ATP8B4: variants seen among roughly 807,000 people sequenced by gnomAD.
The protein encoded by ATP8B4 is probable phospholipid-transporting ATPase IM.
Under a neutral mutation model 145.6 loss-of-function variants are expected in ATP8B4, and 133 were observed. The observed-to-expected ratio is 0.91, with a 90% confidence interval of 0.79 to 1.05. The LOEUF (loss-of-function observed/expected upper bound fraction) is 1.05. Among genes scored for constraint, ATP8B4 ranks in the 50% least tolerant of loss-of-function variants. The pLI, the probability that ATP8B4 is intolerant of heterozygous loss-of-function variation, is 0.00. For missense variants in ATP8B4, 1,458 were observed against 1,425.2 expected, an observed-to-expected ratio of 1.02 and a Z score of -0.37; for synonymous variants, 507 against 492.9, an observed-to-expected ratio of 1.03 and a Z score of -0.38.
chr15:49,981,925 A>T (rs1277822386), intron 10 of ATP8B4, among the ~76,000 whole-genome samples: 2 of 152,206 alleles, frequency 1.3e-5, no homozygotes, highest in South Asian at 4.1e-4. Context: ...GCCTTGTTCC[A>T]GGAATTCTAA....
intron 12 of ATP8B4, among the ~76,000 whole-genome samples, chr15:49,974,952 T>C (rs2045539471): frequency 6.6e-6 from 1 of 152,232 alleles, no homozygotes; most frequent in Non-Finnish European, 1.5e-5. Context: ...TTTTCATTAT[T>C]GTAGCTTTAT....
At chr15:50,013,598 C>T (rs1345399520) in intron 6 of ATP8B4, among the ~76,000 whole-genome samples, 2 of 152,002 alleles carry the variant, frequency 1.3e-5, no homozygotes, top group African/African-American at 4.8e-5. Flanking sequence ...ATAGCCTTTA[C>T]CTTAGCAAAC....
At chr15:50,172,357 T>C (rs112890768) in intron 1 of ATP8B4, among the ~76,000 whole-genome samples, 3 of 152,274 alleles carry the variant, frequency 2.0e-5, no homozygotes, top group African/African-American at 7.2e-5. Context: ...TTGGCCGGGC[T>C]GGTCTCCAGC....
intron 6 of ATP8B4, among the ~76,000 whole-genome samples, chr15:50,022,073 A>C (rs1013583521): frequency 5.9e-5 from 9 of 152,192 alleles, no homozygotes; most frequent in African/African-American, 1.2e-4. Context: ...AGAAATAAAT[A>C]AAAACTTTTT....
intron 20 of ATP8B4, among the ~76,000 whole-genome samples, chr15:49,907,518 T>G (rs1337596198): frequency 6.6e-6 from 1 of 152,156 alleles, no homozygotes; most frequent in African/African-American, 2.4e-5. Context: ...GTGGAAAGAT[T>G]GGGATCAGTG....
chr15:49,904,295 AGTTCCATTCC>A (rs904331762), intron 20 of ATP8B4, among the ~76,000 whole-genome samples: 4 of 152,166 alleles, frequency 2.6e-5, no homozygotes, highest in Non-Finnish European at 5.9e-5. Context: ...TTGAATTCCC[AGTTCCATTCC>A]TTACTACCCT....
intron 2 of ATP8B4, among the ~76,000 whole-genome samples, chr15:50,094,026 A>T (rs2055790213): frequency 6.6e-6 from 1 of 152,194 alleles, no homozygotes; most frequent in African/African-American, 2.4e-5. Context: ...ACACAAATTC[A>T]AAAATATCTT....
chr15:49,982,400 T>C (rs774442936), intron 10 of ATP8B4: 3 of 152,040 alleles, frequency 2.0e-5, no homozygotes, highest in Non-Finnish European at 4.4e-5. Flanking sequence ...ACATTGAGGG[T>C]GGGAAATATT....
At chr15:50,139,287 G>A (rs1301631152) in intron 1 of ATP8B4, among the ~76,000 whole-genome samples, 1 of 152,134 alleles carries the variant, frequency 6.6e-6, no homozygotes, top group African/African-American at 2.4e-5. Context: ...TCCTTTGCAG[G>A]GACATGGATG....
intron 14 of ATP8B4, among the ~76,000 whole-genome samples, chr15:49,958,287 A>G (rs2043761706): frequency 6.6e-6 from 1 of 151,600 alleles, no homozygotes; most frequent in African/African-American, 2.4e-5. Context: ...TCAGGGGGAA[A>G]TTGTTAACCT....
intron 2 of ATP8B4, among the ~76,000 whole-genome samples, chr15:50,091,655 C>A (rs1039373438): frequency 6.6e-6 from 1 of 152,106 alleles, no homozygotes; most frequent in Non-Finnish European, 1.5e-5. Flanking sequence ...CTCATTCCAG[C>A]AGAGAAGACT....
chr15:50,023,779 C>CAAAAAAAAAAAAAAAAAAAACAAAAAG (rs60030651), intron 6 of ATP8B4, among the ~76,000 whole-genome samples: 1 of 75,056 alleles, frequency 1.3e-5, no homozygotes, highest in Non-Finnish European at 2.5e-5. Flanking sequence ...AGACCAAAGG[C>CAAAAAAAAAAAAAAAAAAAACAAAAAG]AAAAAAAAAA....
At chr15:49,864,551 T>C (rs944529562) in intron 26 of ATP8B4, among the ~76,000 whole-genome samples, 1 of 152,198 alleles carries the variant, frequency 6.6e-6, no homozygotes, top group Non-Finnish European at 1.5e-5. Context: ...CCCTCTTTTA[T>C]AAAGCTCAGT....
intron 1 of ATP8B4, among the ~76,000 whole-genome samples, chr15:50,172,125 A>G: frequency 6.6e-6 from 1 of 152,200 alleles, no homozygotes; most frequent in Non-Finnish European, 1.5e-5. Context: ...CAGACATTCA[A>G]AAAAGAATTG....
At chr15:50,173,822 A>G (rs961188678) in intron 1 of ATP8B4, among the ~76,000 whole-genome samples, 1 of 152,200 alleles carries the variant, frequency 6.6e-6, no homozygotes, top group Admixed American at 6.5e-5. Flanking sequence ...TACCAAAACC[A>G]GGAAAGGACA....
chr15:49,996,833 G>T, intron 8 of ATP8B4, 74 bp from the exon 9 acceptor site: 4 of 1,203,126 alleles, frequency 3.3e-6, no homozygotes, highest in Non-Finnish European at 4.8e-6. Flanking sequence ...CAATCAGGTG[G>T]GTGTAGCACA....
Position 49,966,666 on chromosome 15 carries a change from G to A in ATP8B4, c.1244-4646C>T, listed in dbSNP as rs550198151. On this transcript the variant is annotated intron_variant, in intron 13 of 27. Transcript: ENST00000284509. ...CCATCTCCCTGGGACAGCGCACCTG[G>A]GGGAAGGGGTGGCTGTGCGCGCAGC... 1.1e-4 allele frequency among the ~76,000 whole-genome samples: 16 copies of A among 152,330 alleles called. No homozygotes were observed. In the South Asian group the frequency reaches 3.1e-3, roughly 30 times the overall value.
intron 13 of ATP8B4, among the ~76,000 whole-genome samples, chr15:49,969,030 T>C (rs2044824746): frequency 6.6e-6 from 1 of 152,054 alleles, no homozygotes. Flanking sequence ...GACTACTAGG[T>C]AAATAACGAA....
At chr15:50,088,870 A>G (rs555534296) in intron 2 of ATP8B4, among the ~76,000 whole-genome samples, 1 of 152,344 alleles carries the variant, frequency 6.6e-6, no homozygotes, top group Admixed American at 6.5e-5. Flanking sequence ...GAATGGATAG[A>G]TAAATCAATA....
Sources: allele counts gnomAD v4.1 joint callset (sites outside exome capture counted in the v4.1 genomes callset), GRCh38; gene constraint gnomAD v4.1.1; transcripts MANE v1.5; gene names NCBI Gene and HGNC (gene_info 2026-07-23, HGNC 2026-07-21).